The following KPNA2 variants were observed in gnomAD, a reference collection of about 807,000 sequenced individuals.
The protein encoded by KPNA2 is importin subunit alpha-1.
In KPNA2, 20 loss-of-function variants were observed where a neutral mutation model predicts 53.7. The observed-to-expected ratio is 0.37, with a 90% CI of 0.26 to 0.54. KPNA2 has a LOEUF of 0.54. Among genes scored for constraint, KPNA2 ranks in the 20% least tolerant of loss-of-function variants. The probability of loss-of-function intolerance (pLI) is 0.83; values close to 1 mark genes in which losing one functional copy is unlikely to be tolerated. For synonymous variants in KPNA2, 238 were observed against 227.5 expected (o/e 1.05, Z -0.42); for missense variants, 515 against 640.3 (o/e 0.80, Z 2.11).
intron 10 of KPNA2, 60 bp downstream of exon 10, chr17:68,045,981 C>CTT (rs782202703): frequency 9.4e-7 from 1 of 1,069,440 alleles, no homozygotes; most frequent in Non-Finnish European, 1.3e-6. Flanking sequence ...GGCCATAAGC[C>CTT]TTTTTTTCCC....
chr17:68,042,185 C>A lies in KPNA2; in HGVS notation c.403C>A (p.Pro135Thr). Reference protein sequence around the residue: ...VSFLGRTDCSPIQFESAWALT... With the variant: ...VSFLGRTDCSTIQFESAWALT... The stretch of plus-strand genomic sequence containing the variant: ...CTTCTTGGGCAGAACTGATTGTAGT[C>A]CCATTCAGTTTGAATCTGCTTGGGC... Residue 135 changes from proline to threonine, a missense_variant, in exon 5 of 11, where the codon CCC becomes ACC. Transcript: ENST00000330459. The A allele has an allele frequency of 6.2e-7, 1 of 1,613,870 alleles. No individual in the cohort carries two copies. The highest frequency in any genetic ancestry group is 8.5e-7 in the Non-Finnish European group (1 of 1,179,780).
chr17:68,046,768 T>C lies in KPNA2; in HGVS notation c.*172T>C. Reference sequence around the variant, plus strand: ...TACATACTGTATGAAGCTTGTCCTCTGACTAGGTTTCTAATTTCTATGTGG... The same window carrying C: ...TACATACTGTATGAAGCTTGTCCTCCGACTAGGTTTCTAATTTCTATGTGG... On this transcript the variant is annotated 3_prime_UTR_variant, in exon 11 of 11. Transcript: ENST00000330459. The C allele has an allele frequency of 2.3e-6, 1 of 436,106 alleles. No homozygotes were observed. The highest frequency in any genetic ancestry group is 4.2e-6 in the Non-Finnish European group (1 of 239,594). The allele number at this position is 436,106 out of a possible 1,614,324, so 27.0% of individuals were successfully genotyped here. A position where few individuals can be genotyped will look rare whatever the true frequency, so the allele number is the denominator to read the frequency against.
At chr17:68,036,511 C>T (rs1320655403) in intron 1 of KPNA2, 2 of 152,298 alleles carry the variant, frequency 1.3e-5, no homozygotes, top group Non-Finnish European at 2.9e-5. Context: ...ATAGGGAGAG[C>T]CTCCTGAGGA....
Position 68,042,245 on chromosome 17 carries a change from A to T in KPNA2, c.463A>T (p.Thr155Ser). 6.2e-7 allele frequency: 1 copy of T among 1,614,168 alleles called. No individual in the cohort carries two copies. Among genetic ancestry groups the T allele is most frequent in the Non-Finnish European group, 8.5e-7 (1 of 1,180,014 alleles). The change falls in exon 5 of 11, where the codon ACC (threonine) becomes TCC (serine). Residue 155 changes from threonine to serine, a missense_variant. Thr to Ser is a moderately conservative substitution (Grantham distance 58). Transcript: ENST00000330459. ...TNIASGTSEQ[T>S]KAVVDGGAIP... ...CATTGCTTCTGGGACATCAGAACAAACCAAGGCTGTGGTAGATGGAGGTGC... is the reference window on the plus strand; with the variant it reads ...CATTGCTTCTGGGACATCAGAACAATCCAAGGCTGTGGTAGATGGAGGTGC...
chr17:68,036,999 A>T, intron 1 of KPNA2, 111 bp from the exon 2 acceptor site: 1 of 749,778 alleles, frequency 1.3e-6, no homozygotes, highest in Non-Finnish European at 2.4e-6. Flanking sequence ...TCCCCCCTCT[A>T]GTATACAGGT....
chr17:68,043,803 AAAT>A (rs1202235917), intron 7 of KPNA2, 32 bp from the exon 8 acceptor site: 1 of 1,363,182 alleles, frequency 7.3e-7, no homozygotes, highest in South Asian at 1.2e-5. Context: ...GCTGGGGAAA[AAAT>A]AACCAGCATC....
rs1377428591 is a variant in KPNA2, at chr17:68,046,427, TTAAA to T, written c.1498-74_1498-71del. 5.9e-6 allele frequency: 5 copies of T among 850,028 alleles called. No homozygotes were observed. The African/African-American group carries it at 6.9e-5, about 12-fold the overall frequency. The allele number at this position is 850,028 out of a possible 1,614,324, so 52.7% of individuals were successfully genotyped here. On this transcript the variant is annotated intron_variant, in intron 10 of 10. Transcript: ENST00000330459. Reference sequence around the variant, plus strand: ...TAATATGCAGATCAAGACCTAGAGATTAAATACAGACTTCAGGTAGGCTGCTGCT... The same window carrying T: ...TAATATGCAGATCAAGACCTAGAGATTACAGACTTCAGGTAGGCTGCTGCT...
intron 2 of KPNA2, 70 bp from the exon 3 acceptor site, chr17:68,037,288 A>G (rs1555703907): frequency 1.3e-6 from 2 of 1,581,516 alleles, no homozygotes; most frequent in Non-Finnish European, 1.7e-6. Context: ...AGGTATTTAA[A>G]AAAAAAATGC....
intron 7 of KPNA2, among the ~76,000 whole-genome samples, 183 bp from the exon 8 acceptor site, chr17:68,043,655 G>A (rs2071290937): frequency 1.4e-5 from 2 of 143,390 alleles, no homozygotes; most frequent in Non-Finnish European, 3.0e-5. Flanking sequence ...GCAGTGACCC[G>A]AAATCGTGCC....
chr17:68,044,713 G>T (rs576102185), intron 9 of KPNA2, among the ~76,000 whole-genome samples: 3 of 152,264 alleles, frequency 2.0e-5, no homozygotes, highest in South Asian at 4.1e-4. Context: ...GACCTGAATC[G>T]GAGTCAGGCG....
intron 1 of KPNA2, among the ~76,000 whole-genome samples, chr17:68,036,843 A>G (rs534289875): frequency 2.6e-5 from 4 of 152,336 alleles, no homozygotes; most frequent in African/African-American, 9.6e-5. Context: ...CCTTTTTAAA[A>G]ATATGGCTAC....
intron 9 of KPNA2, among the ~76,000 whole-genome samples, chr17:68,045,240 T>C (rs1488959886): frequency 6.6e-6 from 1 of 152,184 alleles, no homozygotes; most frequent in East Asian, 1.9e-4. Flanking sequence ...GTTTTTTTCA[T>C]CTATAGATAT....
At position 68,043,941 on chromosome 17, in the gene KPNA2, C is replaced by G. The variant is rs1555705034; in HGVS notation, c.1034C>G (p.Thr345Ser). 5.0e-6 allele frequency: 8 copies of G among 1,613,796 alleles called. No individual in the cohort carries two copies. Among genetic ancestry groups the G allele is most frequent in the Non-Finnish European group, 6.8e-6 (8 of 1,179,818 alleles). The change falls in exon 8 of 11, where the codon ACC becomes AGC. Residue 345 changes from threonine to serine, a missense_variant. By Grantham distance (58) the Thr-to-Ser change is moderately conservative. Transcript: ENST00000330459. ...CTCGCCGTCTTTCCCAGCCTGCTCACCAACCCCAAAACTAACATTCAGAAG... is the reference window on the plus strand; with the variant it reads ...CTCGCCGTCTTTCCCAGCCTGCTCAGCAACCCCAAAACTAACATTCAGAAG... ...GALAVFPSLLTNPKTNIQKEA... is the reference protein window; with the variant it reads ...GALAVFPSLLSNPKTNIQKEA...
rs782777079 is a variant in KPNA2 at position 68,037,206 on chromosome 17, C to T, written c.74C>T (p.Thr25Ile). The part of the protein sequence containing the change: ...HRFKNKGKDS[T>I]EMRRRRIEVN... ...TTCAAGAACAAGGGAAAAGACAGTA[C>T]AGTGAGTACCTTCTGTTGCTTTCCT... Residue 25 changes from threonine (T) to isoleucine (I), a missense_variant and splice_region_variant, in exon 2 of 11, where the codon ACA (threonine) becomes ATA (isoleucine). Thr to Ile is a moderately conservative substitution (Grantham distance 89, BLOSUM62 -1). Coordinates refer to ENST00000330459, the MANE Select transcript of KPNA2 (RefSeq NM_002266.4). The T allele has an allele frequency of 1.9e-6, 3 of 1,609,788 alleles. No individual in the cohort carries two copies. The highest frequency in any genetic ancestry group is 1.7e-4 in the Middle Eastern group (1 of 6,040).
intron 3 of KPNA2, among the ~76,000 whole-genome samples, chr17:68,038,628 G>C (rs1555704098): frequency 1.3e-5 from 2 of 152,124 alleles, no homozygotes; most frequent in Non-Finnish European, 2.9e-5. Flanking sequence ...GAACCTGGGA[G>C]GTGGAGGTTG....
chr17:68,042,954 C>T lies in KPNA2; in HGVS notation c.621C>T (p.Asp207=). 6.2e-7 allele frequency: 1 copy of T among 1,613,632 alleles called. No individual in the cohort carries two copies. Among genetic ancestry groups the T allele is most frequent in the South Asian group, 1.1e-5 (1 of 91,058 alleles). The change falls in exon 6 of 11, where the codon GAC becomes GAT. Residue 207 remains aspartate, a synonymous_variant. Coordinates refer to ENST00000330459, the MANE Select transcript of KPNA2 (RefSeq NM_002266.4). The part of the protein sequence containing the change: ...RDLVIKYGAV[D]PLLALLAVPD... ...TGGTTATTAAGTACGGTGCAGTTGACCCACTGTTGGCTCTCCTTGCAGTTC... is the reference window on the plus strand; with the variant it reads ...TGGTTATTAAGTACGGTGCAGTTGATCCACTGTTGGCTCTCCTTGCAGTTC...
intron 3 of KPNA2, among the ~76,000 whole-genome samples, chr17:68,039,949 G>A (rs1231162823): frequency 1.3e-5 from 2 of 151,166 alleles, no homozygotes; most frequent in Admixed American, 6.6e-5. Flanking sequence ...GCATGGTGGC[G>A]CATGCCTATA....
chr17:68,042,179 T>G lies in KPNA2; in HGVS notation c.397T>G (p.Cys133Gly). The G allele has an allele frequency of 6.2e-7, 1 of 1,614,014 alleles. No individual in the cohort carries two copies. Among genetic ancestry groups the G allele is most frequent in the Non-Finnish European group, 8.5e-7 (1 of 1,179,876 alleles). ...KFVSFLGRTDCSPIQFESAWA... is the reference protein window; with the variant it reads ...KFVSFLGRTDGSPIQFESAWA... ...TGTGTCCTTCTTGGGCAGAACTGAT[T>G]GTAGTCCCATTCAGTTTGAATCTGC... The change falls in exon 5 of 11, where the codon TGT becomes GGT. Residue 133 changes from cysteine (C) to glycine (G), a missense_variant. Coordinates refer to ENST00000330459, the MANE Select transcript of KPNA2 (RefSeq NM_002266.4).
rs1167037164 is a variant in KPNA2, at chr17:68,037,494, A to G, written c.212A>G (p.Gln71Arg). 6.2e-7 allele frequency: 1 copy of G among 1,610,858 alleles called. No individual in the cohort carries two copies. Among genetic ancestry groups the G allele is most frequent in the African/African-American group, 1.3e-5 (1 of 74,916 alleles). The change falls in exon 3 of 11, where the codon CAG (glutamine) becomes CGG (arginine). Residue 71 changes from glutamine (Q) to arginine (R), a missense_variant and splice_region_variant. Physicochemically the swap from Gln to Arg is conservative, Grantham distance 43. Transcript: ENST00000330459. Reference protein sequence around the residue: ...TSPLQENRNNQGTVNWSVDDI... With the variant: ...TSPLQENRNNRGTVNWSVDDI... ...CCGCTGCAGGAAAACCGCAACAACC[A>G]GGTAAAAAATGTATTTTAGTTTATG...
Sources: gnomAD v4.1 joint callset for allele counts (sites outside exome capture counted in the v4.1 genomes callset) on GRCh38, gnomAD v4.1.1 for gene constraint, MANE v1.5 for transcripts, NCBI Gene and HGNC (gene_info 2026-07-23, HGNC 2026-07-21) for gene names.